PLAC1: variants seen among roughly 807,000 people sequenced by gnomAD.
PLAC1 encodes the protein placenta associated 1, also known as placenta-specific protein 1.
For missense variants in PLAC1, 136 were observed against 163.2 expected (o/e 0.83, Z 0.91); for synonymous variants, 68 against 62.1 (o/e 1.09, Z -0.44).
chrX:134,668,115 A>G (rs905422479), intron 2 of PLAC1, among the ~76,000 whole-genome samples: 9 of 112,162 alleles, frequency 8.0e-5, no homozygotes, highest in African/African-American at 2.9e-4. Context: ...CAAATGGATA[A>G]ACAAAATGTG....
chrX:134,669,201 C>T (rs906450540), intron 2 of PLAC1, among the ~76,000 whole-genome samples: 3 of 111,763 alleles, frequency 2.7e-5, no homozygotes, highest in African/African-American at 9.8e-5. Flanking sequence ...CAATTAAGTC[C>T]GCCCACATCT....
chrX:134,616,362 C>T (rs1216150191), intron 1 of PLAC1, among the ~76,000 whole-genome samples: 4 of 111,928 alleles, frequency 3.6e-5, no homozygotes, highest in East Asian at 2.8e-4. Flanking sequence ...CTTAGCTGGG[C>T]GCAGTGGCTC....
At chrX:134,569,996 A>AT (rs1569373206) in intron 2 of PLAC1, among the ~76,000 whole-genome samples, 6 of 109,824 alleles carry the variant, frequency 5.5e-5, no homozygotes, top group African/African-American at 2.0e-4. Flanking sequence ...TGCCCTGCTA[A>AT]TTTTTGTATT....
chrX:134,699,912 C>T (rs1182790211), intron 2 of PLAC1, among the ~76,000 whole-genome samples: 1 of 112,138 alleles, frequency 8.9e-6, no homozygotes, highest in Non-Finnish European at 1.9e-5. Context: ...TGTACACTCT[C>T]TTCTGCTAAT....
intron 1 of PLAC1, among the ~76,000 whole-genome samples, chrX:134,654,726 T>TC (rs1481966495): frequency 1.8e-5 from 2 of 112,045 alleles, no homozygotes; most frequent in African/African-American, 6.5e-5. Flanking sequence ...CCAAGAAGGC[T>TC]CCTGAAGTGA....
At chrX:134,734,451 C>A (rs1162358324) in intron 1 of PLAC1, among the ~76,000 whole-genome samples, 1 of 112,531 alleles carries the variant, frequency 8.9e-6, no homozygotes, top group Non-Finnish European at 1.9e-5. Flanking sequence ...CTTAGTCCCC[C>A]ACTCCACACC....
intron 1 of PLAC1, among the ~76,000 whole-genome samples, chrX:134,646,570 C>T (rs1266249243): frequency 8.9e-6 from 1 of 112,473 alleles, no homozygotes; most frequent in Non-Finnish European, 1.9e-5. Context: ...TAATTAGCCA[C>T]TGAATGTTAT....
intron 1 of PLAC1, among the ~76,000 whole-genome samples, chrX:134,638,232 A>C (rs187269943): frequency 8.0e-4 from 90 of 112,447 alleles, no homozygotes; most frequent in African/African-American, 2.7e-3. Context: ...TCTACTTCAA[A>C]ATTCATTGTT....
intron 1 of PLAC1, among the ~76,000 whole-genome samples, chrX:134,602,726 T>C (rs1342279361): frequency 9.0e-6 from 1 of 110,716 alleles, no homozygotes; most frequent in Admixed American, 9.7e-5. Flanking sequence ...AAGGGTTATA[T>C]AGTATATGAT....
chrX:134,637,660 C>T (rs752098960), intron 1 of PLAC1, among the ~76,000 whole-genome samples: 1 of 111,688 alleles, frequency 9.0e-6, no homozygotes, highest in South Asian at 3.8e-4. Flanking sequence ...CCAGCCTGGC[C>T]AACATGGTCT....
At chrX:134,572,682 C>T (rs922350937) in intron 2 of PLAC1, among the ~76,000 whole-genome samples, 1 of 110,173 alleles carries the variant, frequency 9.1e-6, no homozygotes, top group African/African-American at 3.3e-5. Flanking sequence ...TGGGTGGTGT[C>T]GAAAAGAAAA....
At chrX:134,757,070 G>A in intron 1 of PLAC1, among the ~76,000 whole-genome samples, 1 of 112,246 alleles carries the variant, frequency 8.9e-6, no homozygotes, top group Admixed American at 9.4e-5. Context: ...CAACAGAATT[G>A]GGAAAACGTA....
intron 1 of PLAC1, among the ~76,000 whole-genome samples, chrX:134,618,413 C>CT (rs375403357): frequency 0.013 from 1,342 of 106,962 alleles, 27 homozygotes; most frequent in African/African-American, 0.041. Context: ...CATCATCTCA[C>CT]TTTTTTTTTT....
At chrX:134,650,472 C>T (rs2078356803) in intron 1 of PLAC1, among the ~76,000 whole-genome samples, 1 of 110,687 alleles carries the variant, frequency 9.0e-6, no homozygotes, top group South Asian at 4.0e-4. Flanking sequence ...AAAGACCTCA[C>T]TGCATCACAG....
intron 1 of PLAC1, among the ~76,000 whole-genome samples, chrX:134,615,956 T>C (rs747273974): frequency 1.8e-5 from 2 of 110,568 alleles, no homozygotes; most frequent in Admixed American, 9.8e-5. Context: ...GCCAGAGTTA[T>C]ACTGTTTTGA....
intron 1 of PLAC1, among the ~76,000 whole-genome samples, chrX:134,639,566 A>C (rs942516822): frequency 4.1e-4 from 46 of 112,163 alleles, no homozygotes; most frequent in African/African-American, 1.5e-3. Flanking sequence ...ACTTTTTCCA[A>C]AGTAAAATAA....
At chrX:134,707,505 C>T (rs144275127) in intron 2 of PLAC1, among the ~76,000 whole-genome samples, 3,351 of 111,621 alleles carry the variant, frequency 0.03, 133 homozygotes, top group African/African-American at 0.1. Flanking sequence ...CAGTGGCTCA[C>T]GGGGTGTGAT....
intron 2 of PLAC1, among the ~76,000 whole-genome samples, chrX:134,671,652 A>G (rs2078455922): frequency 9.1e-6 from 1 of 110,248 alleles, no homozygotes; most frequent in Non-Finnish European, 1.9e-5. Context: ...AAACCATCAG[A>G]CCTCGTGAGA....
chrX:134,606,982 A>T (rs1305489966), intron 1 of PLAC1, among the ~76,000 whole-genome samples: 1 of 112,468 alleles, frequency 8.9e-6, no homozygotes, highest in Non-Finnish European at 1.9e-5. Context: ...ACCATGGTAC[A>T]ATATATGCAT....
Sources: gnomAD v4.1 joint callset for allele counts (sites outside exome capture counted in the v4.1 genomes callset) on GRCh38, gnomAD v4.1.1 for gene constraint, MANE v1.5 for transcripts, NCBI Gene and HGNC (gene_info 2026-07-23, HGNC 2026-07-21) for gene names.